Variants in GAREM1 observed in about 807,000 individuals in gnomAD.
The protein encoded by GAREM1 is GRB2 associated regulator of MAPK1 subtype 1, also known as GRB2-associated and regulator of MAPK protein 1.
Under a neutral mutation model 71.3 loss-of-function variants are expected in GAREM1, and 26 were observed. That is an observed-to-expected ratio of 0.36 (90% CI 0.27 to 0.51). The LOEUF (loss-of-function observed/expected upper bound fraction) is 0.51, where lower values mean the gene tolerates loss of function less well. Among genes scored for constraint, GAREM1 ranks in the 20% least tolerant of loss-of-function variants. The pLI is 0.95. For synonymous variants in GAREM1, 440 were observed against 433.2 expected, an observed-to-expected ratio of 1.02 and a Z score of -0.20; for missense variants, 1,026 against 1,103.1, an observed-to-expected ratio of 0.93 and a Z score of 0.99.
At chr18:32,332,831 G>A (rs1013384036) in intron 2 of GAREM1, among the ~76,000 whole-genome samples, 3 of 152,138 alleles carry the variant, frequency 2.0e-5, no homozygotes, top group African/African-American at 7.2e-5. Context: ...GGTCCCTCCT[G>A]TCTGTGCCCC....
chr18:32,378,678 A>G (rs1333441823), intron 2 of GAREM1, among the ~76,000 whole-genome samples: 1 of 151,990 alleles, frequency 6.6e-6, no homozygotes, highest in Non-Finnish European at 1.5e-5. Flanking sequence ...ACCTAATAAT[A>G]CTGGCTGACA....
At position 32,287,570 on chromosome 18, in the gene GAREM1, C is replaced by T. The variant is rs2047037142; in HGVS notation, c.1027G>A (p.Val343Ile). The T allele has an allele frequency of 6.2e-7, 1 of 1,614,182 alleles. No homozygotes were observed. Among genetic ancestry groups the T allele is most frequent in the East Asian group, 2.2e-5 (1 of 44,876 alleles). ...TTCCAGTCGGTTTTCACATCACGGA[C>T]AGCCCGTGAATACTCATCGATGTCG... ...QFDIDEYSRA[V>I]RDVKTDWNEE... The change falls in exon 4 of 6, where the codon GTC becomes ATC. Residue 343 changes from valine to isoleucine, a missense_variant. Coordinates refer to ENST00000269209, the MANE Select transcript of GAREM1 (RefSeq NM_001242409.2). The surrounding 1 kb of genome is among the most constrained non-coding windows in gnomAD (Gnocchi z 5.9).
At chr18:32,451,937 C>G (rs940394782) in intron 1 of GAREM1, among the ~76,000 whole-genome samples, 5 of 152,118 alleles carry the variant, frequency 3.3e-5, no homozygotes, top group African/African-American at 1.2e-4. Context: ...TTGATACTAG[C>G]ATTTAGTAAA....
rs1390082901 is a variant in GAREM1 at position 32,364,021 on chromosome 18, TA to T, written c.262+28873del. 2.9e-3 allele frequency among the ~76,000 whole-genome samples: 208 copies of T among 71,846 alleles called. 9 individuals carry two copies. The highest frequency in any genetic ancestry group is 0.016 in the African/African-American group (199 of 12,636). The allele number at this position is 71,846 out of a possible 152,430, so 47.1% of individuals were successfully genotyped here. A position where few individuals can be genotyped will look rare whatever the true frequency, so the allele number is the denominator to read the frequency against. ...ATATATATATATATATATATATATA[TA>T]TATATGTTTTTTTTTTTTTTTTTTT... On this transcript the variant is annotated intron_variant, in intron 2 of 5. Coordinates refer to ENST00000269209, the MANE Select transcript of GAREM1 (RefSeq NM_001242409.2).
chr18:32,376,668 T>C (rs550017556), intron 2 of GAREM1, among the ~76,000 whole-genome samples: 1 of 152,092 alleles, frequency 6.6e-6, no homozygotes, highest in South Asian at 2.1e-4. Flanking sequence ...CAAAACCCCA[T>C]CTCTATTAAA....
intron 3 of GAREM1, among the ~76,000 whole-genome samples, chr18:32,291,557 TAGG>T (rs2047087574): frequency 6.6e-6 from 1 of 152,108 alleles, no homozygotes; most frequent in African/African-American, 2.4e-5. Context: ...GTTTATTACG[TAGG>T]TATACAAGTG....
At position 32,337,530 on chromosome 18, in the gene GAREM1, C is replaced by T. The variant is rs112683082; in HGVS notation, c.263-27207G>A. On this transcript the variant is annotated intron_variant, in intron 2 of 5. Coordinates refer to ENST00000269209, the MANE Select transcript of GAREM1 (RefSeq NM_001242409.2). Reference sequence around the variant, plus strand: ...AAGTGAGACTGCTGCCTGAGGCTTACGGCTTCCCATCTGCATTAGTCATAG... The same window carrying T: ...AAGTGAGACTGCTGCCTGAGGCTTATGGCTTCCCATCTGCATTAGTCATAG... Among the ~76,000 whole-genome samples, 160 of 152,310 alleles carry T rather than the reference C, an allele frequency of 1.1e-3. 1 individual carries two copies. The highest frequency in any genetic ancestry group is 2.6e-3 in the African/African-American group (108 of 41,560).
intron 1 of GAREM1, among the ~76,000 whole-genome samples, chr18:32,458,573 G>A (rs577246171): frequency 2.6e-5 from 4 of 151,730 alleles, no homozygotes; most frequent in South Asian, 4.2e-4. Context: ...ACAAGAAACC[G>A]GAAGATTATT....
At chr18:32,308,205 T>TG (rs1213239843) in intron 3 of GAREM1, among the ~76,000 whole-genome samples, 1 of 139,066 alleles carries the variant, frequency 7.2e-6, no homozygotes. Context: ...TTTGAACTCT[T>TG]AAATGATATT....
chr18:32,332,966 G>A (rs547193334), intron 2 of GAREM1, among the ~76,000 whole-genome samples: 5 of 151,730 alleles, frequency 3.3e-5, no homozygotes, highest in Admixed American at 3.3e-4. Context: ...GGAGAGGAGA[G>A]GAGGGTGCCG....
intron 2 of GAREM1, among the ~76,000 whole-genome samples, chr18:32,334,593 G>A (rs1229682968): frequency 6.6e-6 from 1 of 152,180 alleles, no homozygotes; most frequent in African/African-American, 2.4e-5. Flanking sequence ...CGGAGGAACA[G>A]GAGATAGTAA....
Position 32,399,483 on chromosome 18 carries a change from A to G in GAREM1, c.122-6448T>C, listed in dbSNP as rs2144668672. ...GGCAACTTCAGCAAAGTCTCAGGAT[A>G]CAAAATCAATGTGCAAAAATCACAA... On this transcript the variant is annotated intron_variant, in intron 1 of 5. Transcript: ENST00000269209. Among the ~76,000 whole-genome samples, 2 of 152,368 alleles carry G rather than the reference A, an allele frequency of 1.3e-5. 1 individual carries two copies. Among genetic ancestry groups the G allele is most frequent in the South Asian group, 4.1e-4 (2 of 4,830 alleles).
At chr18:32,313,187 A>G (rs1304160734) in intron 2 of GAREM1, among the ~76,000 whole-genome samples, 1 of 152,150 alleles carries the variant, frequency 6.6e-6, no homozygotes, top group Non-Finnish European at 1.5e-5. Flanking sequence ...AGAGGGGCAA[A>G]GGAGTCAGGA....
chr18:32,425,832 T>C (rs765571222), intron 1 of GAREM1, among the ~76,000 whole-genome samples: 8 of 152,130 alleles, frequency 5.3e-5, no homozygotes, highest in Non-Finnish European at 5.9e-5. Flanking sequence ...AAAACAGTTG[T>C]TCAGCCTTCT....
Position 32,389,899 on chromosome 18 carries a change from A to G in GAREM1, c.262+2996T>C, listed in dbSNP as rs1169629810. Among the ~76,000 whole-genome samples the G allele has an allele frequency of 3.3e-5, 5 of 152,214 alleles. No homozygotes were observed. The East Asian group carries it at 7.7e-4, about 23-fold the overall frequency. ...ATCAAAACATACTCCCAGGCCAGGTATGATGGCTCATACCTGTAATTCCAA... is the reference window on the plus strand; with the variant it reads ...ATCAAAACATACTCCCAGGCCAGGTGTGATGGCTCATACCTGTAATTCCAA... On this transcript the variant is annotated intron_variant, in intron 2 of 5. Transcript: ENST00000269209.
At chr18:32,361,869 C>G (rs1333143932) in intron 2 of GAREM1, among the ~76,000 whole-genome samples, 1 of 152,074 alleles carries the variant, frequency 6.6e-6, no homozygotes, top group Admixed American at 6.6e-5. Flanking sequence ...TTTTTGGAGA[C>G]ATATGTACCA....
chr18:32,396,811 C>A (rs2048262018), intron 1 of GAREM1, among the ~76,000 whole-genome samples: 1 of 152,046 alleles, frequency 6.6e-6, no homozygotes, highest in Admixed American at 6.5e-5. Context: ...GAGAATGCCA[C>A]AAAGATACTC....
At chr18:32,468,827 A>G (rs2049022046) in intron 1 of GAREM1, among the ~76,000 whole-genome samples, 1 of 152,124 alleles carries the variant, frequency 6.6e-6, no homozygotes, top group Admixed American at 6.6e-5. Flanking sequence ...AATATACACA[A>G]TTTTGGAGGA....
chr18:32,349,141 G>A (rs948663154), intron 2 of GAREM1, among the ~76,000 whole-genome samples: 2 of 152,124 alleles, frequency 1.3e-5, no homozygotes, highest in African/African-American at 2.4e-5. Flanking sequence ...TAGATCAAAT[G>A]CAGCAGATAT....
Sources: allele counts gnomAD v4.1 joint callset (sites outside exome capture counted in the v4.1 genomes callset), GRCh38; gene constraint gnomAD v4.1.1; non-coding constraint Gnocchi (gnomAD v3.1); transcripts MANE v1.5; gene names NCBI Gene and HGNC (gene_info 2026-07-23, HGNC 2026-07-21).